NCS1: variants seen among roughly 807,000 people sequenced by gnomAD.
NCS1 encodes the protein neuronal calcium sensor 1.
A neutral mutation model predicts 28.4 loss-of-function variants in NCS1; 6 were observed. That is an observed-to-expected ratio of 0.21 (90% CI 0.12 to 0.42). The LOEUF is 0.42. NCS1 is among the 10% of genes least tolerant of loss of function. The pLI is 1.00. For synonymous variants in NCS1, 86 were observed against 99.3 expected (o/e 0.87, Z 0.79); for missense variants, 131 against 241.4 (o/e 0.54, Z 3.03).
chr9:130,196,370 C>T (rs924707349), intron 1 of NCS1, among the ~76,000 whole-genome samples: 3 of 152,240 alleles, frequency 2.0e-5, no homozygotes, highest in East Asian at 1.9e-4. Context: ...TTTCTACATA[C>T]GTGAGTGTGT....
rs1832745629 is a variant in NCS1 at position 130,186,894 on chromosome 9, G to T, written c.65-14064G>T. Among the ~76,000 whole-genome samples, 1 of 152,226 alleles carries T rather than the reference G, an allele frequency of 6.6e-6. No homozygotes were observed. The highest frequency in any genetic ancestry group is 2.1e-4 in the South Asian group (1 of 4,834). ...GTGCTCAGCCTGGCTCCAAGCACGA[G>T]GGGCACTGACGAGCGATTGAGCAGC... On this transcript the variant is annotated intron_variant, in intron 1 of 7. Transcript: ENST00000372398. This position sits in a 1 kb window ranked among gnomAD's most constrained non-coding sequence, Gnocchi z 4.1.
At chr9:130,176,676 C>G (rs901167558) in intron 1 of NCS1, among the ~76,000 whole-genome samples, 1 of 152,238 alleles carries the variant, frequency 6.6e-6, no homozygotes, top group Non-Finnish European at 1.5e-5. Context: ...CCTGCTCTTA[C>G]GTGTAGCGGC....
chr9:130,222,782 A>G (rs782107076), intron 5 of NCS1, 44 bp downstream of exon 5: 2 of 1,576,310 alleles, frequency 1.3e-6, no homozygotes, highest in Non-Finnish European at 1.7e-6. Context: ...CAGGAGGGGC[A>G]AAGCCAGTGA....
intron 2 of NCS1, among the ~76,000 whole-genome samples, chr9:130,205,538 A>G (rs36044308): frequency 0.018 from 69 of 3,890 alleles, no homozygotes; most frequent in East Asian, 0.25. Context: ...CGTCTCTTAG[A>G]AAAAAAAAAA....
At chr9:130,179,464 A>G (rs1832625100) in intron 1 of NCS1, among the ~76,000 whole-genome samples, 1 of 152,178 alleles carries the variant, frequency 6.6e-6, no homozygotes, top group African/African-American at 2.4e-5. Flanking sequence ...TTTGTACCAC[A>G]TCTTTGCATG....
At chr9:130,179,281 T>C (rs1832623445) in intron 1 of NCS1, among the ~76,000 whole-genome samples, 1 of 152,114 alleles carries the variant, frequency 6.6e-6, no homozygotes. Context: ...CTTTTTATTT[T>C]CTGACTTAAA....
rs781926684 is a variant in NCS1, at chr9:130,226,444, C to T, written c.530C>T (p.Pro177Leu). 2.5e-6 allele frequency: 4 copies of T among 1,614,134 alleles called. No homozygotes were observed. The highest frequency in any genetic ancestry group is 3.4e-6 in the Non-Finnish European group (4 of 1,180,002). Reference sequence around the variant, plus strand: ...TTCCAGGAGGGTTCCAAGGCAGACCCGTCCATTGTGCAGGCGCTGTCCCTC... The same window carrying T: ...TTCCAGGAGGGTTCCAAGGCAGACCTGTCCATTGTGCAGGCGCTGTCCCTC... Reference protein sequence around the residue: ...QEFQEGSKADPSIVQALSLYD... With the variant: ...QEFQEGSKADLSIVQALSLYD... Residue 177 changes from proline (P) to leucine (L), a missense_variant, in exon 7 of 8, where the codon CCG (proline) becomes CTG (leucine). Transcript: ENST00000372398. This position sits in a 1 kb window ranked among gnomAD's most constrained non-coding sequence, Gnocchi z 4.8.
chr9:130,188,722 T>G (rs1554905921), intron 1 of NCS1, among the ~76,000 whole-genome samples: 1 of 150,718 alleles, frequency 6.6e-6, no homozygotes. Context: ...CTTTCCTTTG[T>G]TTTTCTTTTT....
intron 2 of NCS1, among the ~76,000 whole-genome samples, chr9:130,208,674 C>T (rs1833065079): frequency 6.6e-6 from 1 of 152,208 alleles, no homozygotes; most frequent in African/African-American, 2.4e-5. Context: ...CTCGCATCAA[C>T]ACGGCCAGCT....
rs1833086105 is a variant in NCS1 at position 130,209,779 on chromosome 9, T to A, written c.90-8053T>A. ...GAAGTGTAAGAACGCCGTTGTTGAA[T>A]CTAGGATTTTCTTTTCTCATCTCTA... On this transcript the variant is annotated intron_variant, in intron 2 of 7. Transcript: ENST00000372398. The surrounding 1 kb of genome is among the most constrained non-coding windows in gnomAD (Gnocchi z 4.4). 6.6e-6 allele frequency among the ~76,000 whole-genome samples: 1 copy of A among 152,180 alleles called. No homozygotes were observed. The highest frequency in any genetic ancestry group is 1.5e-5 in the Non-Finnish European group (1 of 68,046).
Position 130,235,972 on chromosome 9 carries a change from G to A in NCS1, c.*3000G>A, listed in dbSNP as rs1367364784. 6 of 152,292 alleles carry A rather than the reference G, an allele frequency of 3.9e-5. No individual in the cohort carries two copies. The highest frequency in any genetic ancestry group is 3.3e-4 in the Admixed American group (5 of 15,286). The allele number at this position is 152,292 out of a possible 1,614,324, so 9.4% of individuals were successfully genotyped here. A position where few individuals can be genotyped will look rare whatever the true frequency, so the allele number is the denominator to read the frequency against. ...CCTCGTAGCGTCTGCTCCTCACTTT[G>A]TGTTGATGGTGACTTAGGAGAATGT... On this transcript the variant is annotated 3_prime_UTR_variant, in exon 8 of 8. Coordinates refer to ENST00000372398, the MANE Select transcript of NCS1 (RefSeq NM_014286.4).
intron 4 of NCS1, among the ~76,000 whole-genome samples, chr9:130,221,443 G>GAGAA (rs1833300122): frequency 7.1e-6 from 1 of 139,914 alleles, no homozygotes; most frequent in Non-Finnish European, 1.5e-5. Context: ...GAGAGAGAGA[G>GAGAA]AGAGAGAGAA....
Position 130,235,639 on chromosome 9 carries a change from A to C in NCS1, c.*2667A>C, listed in dbSNP as rs1554912926. 6.6e-6 allele frequency: 1 copy of C among 152,392 alleles called. No individual in the cohort carries two copies. The highest frequency in any genetic ancestry group is 2.4e-5 in the African/African-American group (1 of 41,466). 9.4% of individuals were successfully genotyped at this position (152,392 alleles called of 1,614,324 possible). A position where few individuals can be genotyped will look rare whatever the true frequency, so the allele number is the denominator to read the frequency against. On this transcript the variant is annotated 3_prime_UTR_variant, in exon 8 of 8. Transcript: ENST00000372398. Reference sequence around the variant, plus strand: ...CCCGAGCCAGCCCAGAGCTGCCGGAAGGGCCGCCCTTCCCGGCCCTGGCGG... The same window carrying C: ...CCCGAGCCAGCCCAGAGCTGCCGGACGGGCCGCCCTTCCCGGCCCTGGCGG...
At chr9:130,225,047 C>CG in intron 6 of NCS1, among the ~76,000 whole-genome samples, 1 of 152,228 alleles carries the variant, frequency 6.6e-6, no homozygotes, top group East Asian at 1.9e-4. Flanking sequence ...CAAAAATTAG[C>CG]CGGGTGTGGT....
chr9:130,202,272 C>T (rs1047466866), intron 2 of NCS1, among the ~76,000 whole-genome samples: 12 of 152,176 alleles, frequency 7.9e-5, no homozygotes, highest in Admixed American at 4.6e-4. Context: ...CTTGAACTCA[C>T]CTTTGTCTCC....
rs1279958129 is a variant in NCS1, at chr9:130,172,442, C to G, written c.-222C>G. The G allele has an allele frequency of 6.9e-6, 1 of 145,152 alleles. No individual in the cohort carries two copies. The highest frequency in any genetic ancestry group is 1.5e-5 in the Non-Finnish European group (1 of 65,444). The allele number at this position is 145,152 out of a possible 1,614,324, so 9.0% of individuals were successfully genotyped here. A position where few individuals can be genotyped will look rare whatever the true frequency, so the allele number is the denominator to read the frequency against. On this transcript the variant is annotated 5_prime_UTR_variant, in exon 1 of 8. Transcript: ENST00000372398. ...GACCGCGGCCACACCGCGCCGGCGC[C>G]GGCGCCCAGCCCAGGCAGCCCCGCG...
intron 1 of NCS1, among the ~76,000 whole-genome samples, chr9:130,194,343 A>AGGCTGTGGGCACCGCGGGTGCTTCCT (rs60267024): frequency 0.3 from 44,432 of 150,226 alleles, 6,889 homozygotes; most frequent in Admixed American, 0.37. Flanking sequence ...GGTGGAAAGG[A>AGGCTGTGGGCACCGCGGGTGCTTCCT]GGCTGTGGGC....
Position 130,180,775 on chromosome 9 carries a change from C to T in NCS1, c.64+8048C>T, listed in dbSNP as rs1477636301. Among the ~76,000 whole-genome samples the T allele has an allele frequency of 6.6e-6, 1 of 152,216 alleles. No homozygotes were observed. Among genetic ancestry groups the T allele is most frequent in the African/African-American group, 2.4e-5 (1 of 41,456 alleles). ...GCTGCTGGACCGGCTGTATCAGGGACAGCCGTTCTTGGCCACTCCCCTGGG... is the reference window on the plus strand; with the variant it reads ...GCTGCTGGACCGGCTGTATCAGGGATAGCCGTTCTTGGCCACTCCCCTGGG... On this transcript the variant is annotated intron_variant, in intron 1 of 7. Coordinates refer to ENST00000372398, the MANE Select transcript of NCS1 (RefSeq NM_014286.4). The surrounding 1 kb of genome is among the most constrained non-coding windows in gnomAD (Gnocchi z 4.5).
chr9:130,183,673 CTCTTTCTTCCTTCCTT>C (rs1364242176), intron 1 of NCS1, among the ~76,000 whole-genome samples: 1 of 149,878 alleles, frequency 6.7e-6, no homozygotes, highest in African/African-American at 2.5e-5. Flanking sequence ...TTCCTTCTCT[CTCTTTCTTCCTTCCTT>C]TCTTTCTTTT....
Sources: gnomAD v4.1 joint callset for allele counts (sites outside exome capture counted in the v4.1 genomes callset) on GRCh38, gnomAD v4.1.1 for gene constraint, Gnocchi (gnomAD v3.1) non-coding constraint, MANE v1.5 for transcripts, NCBI Gene and HGNC (gene_info 2026-07-23, HGNC 2026-07-21) for gene names.